SMAD2: variants seen among roughly 807,000 people sequenced by gnomAD.
SMAD2 encodes MAD homolog 2.
In SMAD2, 8 loss-of-function variants were observed where a neutral mutation model predicts 64.4. That is an observed-to-expected ratio of 0.12 (90% CI 0.07 to 0.22). The LOEUF (loss-of-function observed/expected upper bound fraction) is 0.22, where lower values mean the gene tolerates loss of function less well. Among genes scored for constraint, SMAD2 ranks in the 10% least tolerant of loss-of-function variants. SMAD2 has a pLI of 1.00. For synonymous variants in SMAD2, 203 were observed against 195.8 expected, an observed-to-expected ratio of 1.04 and a Z score of -0.31; for missense variants, 289 against 561.2, an observed-to-expected ratio of 0.51 and a Z score of 4.90.
chr18:47,923,975 G>A (rs897303412), intron 1 of SMAD2, among the ~76,000 whole-genome samples: 2 of 152,126 alleles, frequency 1.3e-5, no homozygotes, highest in Admixed American at 6.5e-5. Flanking sequence ...TAGGCCGGGC[G>A]CAGTGGCTCA....
intron 1 of SMAD2, among the ~76,000 whole-genome samples, chr18:47,899,993 A>G (rs1349351866): frequency 2.0e-5 from 3 of 152,164 alleles, no homozygotes; most frequent in African/African-American, 7.2e-5. Context: ...TACTAGCTGC[A>G]TGGCAACCTC....
At chr18:47,920,509 G>A (rs2034518829) in intron 1 of SMAD2, among the ~76,000 whole-genome samples, 1 of 152,136 alleles carries the variant, frequency 6.6e-6, no homozygotes, top group Admixed American at 6.5e-5. Flanking sequence ...CTATCATACT[G>A]GACAGAGCAA....
intron 2 of SMAD2, among the ~76,000 whole-genome samples, chr18:47,884,365 G>A (rs1466850098): frequency 1.6e-4 from 25 of 152,100 alleles, no homozygotes; most frequent in Admixed American, 1.6e-3. Context: ...GACAAATGAG[G>A]TAATGGAAAC....
intron 2 of SMAD2, among the ~76,000 whole-genome samples, chr18:47,874,593 A>G (rs563612432): frequency 6.6e-6 from 1 of 152,302 alleles, no homozygotes; most frequent in East Asian, 1.9e-4. Context: ...CAAAACAGAA[A>G]AAGTCCCAAC....
At chr18:47,903,889 G>GGGGGA (rs1555660347) in intron 1 of SMAD2, among the ~76,000 whole-genome samples, 3 of 95,852 alleles carry the variant, frequency 3.1e-5, no homozygotes, top group African/African-American at 1.1e-4. Flanking sequence ...GGGGGGGGGG[G>GGGGGA]ACTCAGAATA....
chr18:47,869,895 C>A (rs1305957535), intron 3 of SMAD2, among the ~76,000 whole-genome samples: 1 of 152,078 alleles, frequency 6.6e-6, no homozygotes, highest in Non-Finnish European at 1.5e-5. Context: ...CAGACTACTG[C>A]AACTCTTTAC....
rs1031281794 is a variant in SMAD2 at position 47,823,549 on chromosome 18, G to C, written c.*18278C>G. The C allele has an allele frequency of 4.6e-5, 7 of 152,186 alleles. No individual in the cohort carries two copies. Among genetic ancestry groups the C allele is most frequent in the African/African-American group, 1.7e-4 (7 of 41,442 alleles). The allele number at this position is 152,186 out of a possible 1,614,324, so 9.4% of individuals were successfully genotyped here. ...CCATGCTCTGAGGCCTATAAGCTAA[G>C]ATGTGATTAATTTTTAAAGGAGCAA... On this transcript the variant is annotated 3_prime_UTR_variant, in exon 11 of 11. Coordinates refer to ENST00000262160, the MANE Select transcript of SMAD2 (RefSeq NM_005901.6).
In SMAD2 at chr18:47,818,231, A is replaced by G. The variant is rs1406048870; in HGVS notation, c.*23596T>C. 1 of 152,214 alleles carries G rather than the reference A, an allele frequency of 6.6e-6. No homozygotes were observed. Among genetic ancestry groups the G allele is most frequent in the Non-Finnish European group, 1.5e-5 (1 of 68,040 alleles). 9.4% of individuals were successfully genotyped at this position (152,214 alleles called of 1,614,324 possible). A position where few individuals can be genotyped will look rare whatever the true frequency, so the allele number is the denominator to read the frequency against. The stretch of plus-strand genomic sequence containing the variant: ...CCTTACGGCATTCCAGCCAAGAACA[A>G]AAAGAAAAAAAAAGGTCTTAAAGGG... On this transcript the variant is annotated 3_prime_UTR_variant, in exon 11 of 11. Coordinates refer to ENST00000262160, the MANE Select transcript of SMAD2 (RefSeq NM_005901.6).
intron 2 of SMAD2, among the ~76,000 whole-genome samples, chr18:47,873,218 T>G (rs2032052151): frequency 6.6e-6 from 1 of 152,024 alleles, no homozygotes; most frequent in South Asian, 2.1e-4. Flanking sequence ...CAATCCCCCT[T>G]AGATAGTGAG....
In SMAD2 at chr18:47,841,696, T is replaced by C. The variant is rs1163401581; in HGVS notation, c.*131A>G. 1.0e-5 allele frequency: 10 copies of C among 959,338 alleles called. No individual in the cohort carries two copies. Among genetic ancestry groups the C allele is most frequent in the African/African-American group, 9.7e-5 (6 of 61,924 alleles). 59.4% of individuals were successfully genotyped at this position (959,338 alleles called of 1,614,324 possible). A position where few individuals can be genotyped will look rare whatever the true frequency, so the allele number is the denominator to read the frequency against. On this transcript the variant is annotated 3_prime_UTR_variant, in exon 11 of 11. Transcript: ENST00000262160. ...AAACAGATTCCACAAGGTGCTTTAA[T>C]TGATGAGACCTCAAGTGCTGTTTTC...
intron 10 of SMAD2, among the ~76,000 whole-genome samples, chr18:47,843,099 C>T (rs373746858): frequency 1.8e-4 from 27 of 152,320 alleles, no homozygotes; most frequent in African/African-American, 6.0e-4. Flanking sequence ...TTGGATTTTT[C>T]AGTGTGCTCT....
At chr18:47,886,940 A>G (rs1294890508) in intron 2 of SMAD2, 1 of 153,890 alleles carries the variant, frequency 6.5e-6, no homozygotes, top group African/African-American at 2.4e-5. Flanking sequence ...AAAAAAAAAG[A>G]AAAGGCTTTT....
chr18:47,921,126 C>T (rs1394309401), intron 1 of SMAD2, among the ~76,000 whole-genome samples: 1 of 152,156 alleles, frequency 6.6e-6, no homozygotes, highest in Non-Finnish European at 1.5e-5. Context: ...CACTGCACTC[C>T]AGCCTGGGTG....
At chr18:47,911,577 T>C (rs553648272) in intron 1 of SMAD2, among the ~76,000 whole-genome samples, 2 of 152,276 alleles carry the variant, frequency 1.3e-5, no homozygotes, top group Admixed American at 1.3e-4. Flanking sequence ...CAATACTGCA[T>C]TGGCAACCTT....
chr18:47,888,955 T>C (rs2033049601), intron 2 of SMAD2, among the ~76,000 whole-genome samples: 1 of 152,054 alleles, frequency 6.6e-6, no homozygotes, highest in African/African-American at 2.4e-5. Flanking sequence ...TTTCAACAGA[T>C]TTGGGGTCTA....
intron 8 of SMAD2, among the ~76,000 whole-genome samples, chr18:47,846,221 T>C (rs921304701): frequency 6.6e-6 from 1 of 152,116 alleles, no homozygotes; most frequent in Non-Finnish European, 1.5e-5. Flanking sequence ...CATCAAAAAG[T>C]CATTTGCCAT....
intron 2 of SMAD2, among the ~76,000 whole-genome samples, chr18:47,871,831 T>C (rs775346614): frequency 3.2e-4 from 48 of 152,098 alleles, no homozygotes; most frequent in Non-Finnish European, 5.3e-4. Context: ...TGGAAACATA[T>C]AGCATGATGT....
In SMAD2 at chr18:47,930,595, G is replaced by GAGGGA. The variant is rs1301021685; in HGVS notation, c.-293_-289dup. On this transcript the variant is annotated 5_prime_UTR_variant, in exon 1 of 11. Transcript: ENST00000262160. ...GAAGAGAGGGGAGGGGAGGGGAGGA[G>GAGGGA]AGGGAAGGGGAGGGGAGGGAGCCTG... The GAGGGA allele has an allele frequency of 6.6e-4, 98 of 149,388 alleles. No homozygotes were observed. Among genetic ancestry groups the GAGGGA allele is most frequent in the Admixed American group, 3.2e-3 (49 of 15,120 alleles). 9.3% of individuals were successfully genotyped at this position (149,388 alleles called of 1,614,324 possible).
chr18:47,892,283 T>G (rs1042311999), intron 2 of SMAD2, among the ~76,000 whole-genome samples: 13 of 151,494 alleles, frequency 8.6e-5, no homozygotes, highest in Admixed American at 5.3e-4. Context: ...CACCGCAACC[T>G]GTGCCTCCTG....
Sources: gnomAD v4.1 joint callset for allele counts (sites outside exome capture counted in the v4.1 genomes callset) on GRCh38, gnomAD v4.1.1 for gene constraint, MANE v1.5 for transcripts, NCBI Gene and HGNC (gene_info 2026-07-23, HGNC 2026-07-21) for gene names.